MAP3K12: variants seen among roughly 807,000 people sequenced by gnomAD.
MAP3K12 encodes the protein MAPK-upstream kinase.
In MAP3K12, 14 loss-of-function variants were observed where a neutral mutation model predicts 87.5. That is an observed-to-expected ratio of 0.16 (90% CI 0.11 to 0.25). The LOEUF (loss-of-function observed/expected upper bound fraction) is 0.25. Among genes scored for constraint, MAP3K12 ranks in the 10% least tolerant of loss-of-function variants. The probability of loss-of-function intolerance (pLI) is 1.00; values close to 1 mark genes in which losing one functional copy is unlikely to be tolerated. For synonymous variants in MAP3K12, 469 were observed against 452.5 expected (o/e 1.04, Z -0.46); for missense variants, 802 against 1,140.4 (o/e 0.70, Z 4.27).
Position 53,482,343 on chromosome 12 carries a change from C to G in MAP3K12, c.2265G>C (p.Glu755Asp). The G allele has an allele frequency of 6.2e-7, 1 of 1,614,052 alleles. No homozygotes were observed. The highest frequency in any genetic ancestry group is 8.5e-7 in the Non-Finnish European group (1 of 1,180,010). The change falls in exon 12 of 14, where the codon GAG (glutamate) becomes GAC (aspartate). Residue 755 changes from glutamate to aspartate, a missense_variant. By Grantham distance (45) the Glu-to-Asp change is conservative (BLOSUM62 2). Transcript: ENST00000547488. ...SQKRGISSEE[E>D]EGEVDSEVEL... Reference sequence around the variant, plus strand: ...CTACTTCACTGTCTACCTCTCCTTCCTCCTCTTCCGATGAGATGCCACGTT... The same window carrying G: ...CTACTTCACTGTCTACCTCTCCTTCGTCCTCTTCCGATGAGATGCCACGTT...
At chr12:53,484,546 A>G (rs140731865) in intron 6 of MAP3K12, 181 bp from the exon 7 acceptor site, 2 of 567,924 alleles carry the variant, frequency 3.5e-6, no homozygotes, top group South Asian at 4.5e-5. Flanking sequence ...GTGTGTCAAA[A>G]TCCTGCAGTA....
In MAP3K12 at chr12:53,497,103, A is replaced by G. The variant is rs187077348; in HGVS notation, c.-38+2324T>C. Among the ~76,000 whole-genome samples, 53 of 152,336 alleles carry G rather than the reference A, an allele frequency of 3.5e-4. No individual in the cohort carries two copies. The East Asian group carries it at 9.8e-3, about 28-fold the overall frequency. On this transcript the variant is annotated intron_variant, in intron 1 of 13. Coordinates refer to ENST00000547488, the MANE Select transcript of MAP3K12 (RefSeq NM_001193511.2). ...TGCCACATACTAACTTTTTTACTTT[A>G]AACAAATTACTTAAGTTTCAGTTTT...
rs1252579085 is a variant in MAP3K12 at position 53,480,093 on chromosome 12, A to G, written c.*1089T>C. The G allele has an allele frequency of 6.6e-6, 1 of 151,560 alleles. No individual in the cohort carries two copies. Among genetic ancestry groups the G allele is most frequent in the Admixed American group, 6.6e-5 (1 of 15,188 alleles). 9.4% of individuals were successfully genotyped at this position (151,560 alleles called of 1,614,324 possible). A position where few individuals can be genotyped will look rare whatever the true frequency, so the allele number is the denominator to read the frequency against. ...ACCTGTCCTAGGGGAGTAGGCAAGC[A>G]CTTCCACTAGGGAGGGGGTGGGGGA... On this transcript the variant is annotated 3_prime_UTR_variant, in exon 14 of 14. Transcript: ENST00000547488.
intron 13 of MAP3K12, 22 bp downstream of exon 13, chr12:53,481,919 T>C (rs376489912): frequency 1.2e-6 from 2 of 1,606,098 alleles, no homozygotes; most frequent in Admixed American, 1.7e-5. Flanking sequence ...CAATATCTGC[T>C]TTTTGCTGTT....
intron 1 of MAP3K12, among the ~76,000 whole-genome samples, chr12:53,494,055 C>T (rs561964001): frequency 1.1e-4 from 17 of 152,220 alleles, no homozygotes; most frequent in Non-Finnish European, 2.4e-4. Context: ...CCAACACACA[C>T]ACACATACCC....
upstream of MAP3K12, chr12:53,501,308 G>A (rs919222946): frequency 1.9e-5 from 26 of 1,388,642 alleles, no homozygotes; most frequent in Non-Finnish European, 2.5e-5. Flanking sequence ...GGGCCCTACC[G>A]GCCGCGACTC....
intron 1 of MAP3K12, 109 bp from the exon 2 acceptor site, chr12:53,487,537 G>A (rs1309738476): frequency 7.3e-6 from 8 of 1,102,286 alleles, no homozygotes; most frequent in African/African-American, 3.2e-5. Context: ...CAGTAGCCCC[G>A]CTGGAGGTAA....
At chr12:53,497,447 C>G (rs1007616479) in intron 1 of MAP3K12, among the ~76,000 whole-genome samples, 2 of 152,186 alleles carry the variant, frequency 1.3e-5, no homozygotes, top group Admixed American at 6.5e-5. Flanking sequence ...CCTGAATGAT[C>G]TTTAGCCTCC....
In MAP3K12 at chr12:53,481,322, C is replaced by T. The variant is rs1943031787; in HGVS notation, c.2581-42G>A. The T allele has an allele frequency of 4.2e-6, 5 of 1,196,642 alleles. No homozygotes were observed. In the Admixed American group the frequency reaches 8.7e-5, roughly 21 times the overall value. 74.1% of individuals were successfully genotyped at this position (1,196,642 alleles called of 1,614,324 possible). On this transcript the variant is annotated intron_variant, in intron 13 of 13. Transcript: ENST00000547488. The stretch of plus-strand genomic sequence containing the variant: ...AAATGGAGTGAGATTCCTTGGGGTT[C>T]TTTGCTGGGGTCATTTTAATAGCCA...
intron 6 of MAP3K12, 36 bp downstream of exon 6, chr12:53,485,020 C>T (rs747329931): frequency 5.6e-6 from 9 of 1,613,586 alleles, no homozygotes; most frequent in Non-Finnish European, 8.5e-7. Context: ...TTCTCAACTT[C>T]TCCAGGCCCA....
At chr12:53,483,222 T>G (rs772335629) in intron 10 of MAP3K12, 33 bp from the exon 11 acceptor site, 22 of 1,534,492 alleles carry the variant, frequency 1.4e-5, no homozygotes, top group Non-Finnish European at 1.7e-5. Flanking sequence ...AGGTTAAGAC[T>G]GCCAAATCTA....
chr12:53,501,322 G>C (rs1943689584), upstream of MAP3K12: 2 of 1,489,422 alleles, frequency 1.3e-6, no homozygotes, highest in Admixed American at 2.1e-5. Flanking sequence ...GCGACTCCGG[G>C]CTTGGCCCCG....
At chr12:53,481,558 C>T (rs1050311831) in intron 13 of MAP3K12, 1 of 295,094 alleles carries the variant, frequency 3.4e-6, no homozygotes. Flanking sequence ...CCATATTGGT[C>T]AGGCTGGTCT....
upstream of MAP3K12, chr12:53,500,699 G>A (rs376835063): frequency 1.0e-4 from 16 of 152,676 alleles, no homozygotes; most frequent in African/African-American, 3.6e-4. Context: ...CCGGCGTCTA[G>A]GTAAGGCCCA....
chr12:53,483,261 C>T (rs1943128884), intron 10 of MAP3K12, 72 bp from the exon 11 acceptor site: 2 of 1,564,250 alleles, frequency 1.3e-6, no homozygotes, highest in Non-Finnish European at 1.7e-6. Context: ...TAACCTTGGA[C>T]ACTAAAGTAC....
chr12:53,487,508 G>T, intron 1 of MAP3K12, 80 bp from the exon 2 acceptor site: 1 of 1,409,860 alleles, frequency 7.1e-7, no homozygotes, highest in Non-Finnish European at 9.5e-7. Flanking sequence ...CAGAGGCACA[G>T]ACTGGGGTGC....
At chr12:53,483,558 AAGGC>A (rs1268309625) in intron 9 of MAP3K12, 45 bp downstream of exon 9, 2 of 1,613,698 alleles carry the variant, frequency 1.2e-6, no homozygotes, top group African/African-American at 2.7e-5. Flanking sequence ...TAGGACCTCT[AAGGC>A]AGGCACAGCT....
At position 53,482,917 on chromosome 12, in the gene MAP3K12, C is replaced by T. The variant is rs1368870527; in HGVS notation, c.1886G>A (p.Gly629Glu). The T allele has an allele frequency of 1.2e-6, 2 of 1,609,772 alleles. No individual in the cohort carries two copies. Among genetic ancestry groups the T allele is most frequent in the East Asian group, 2.2e-5 (1 of 44,868 alleles). The change falls in exon 11 of 14, where the codon GGG (glycine) becomes GAG (glutamate). Residue 629 changes from glycine to glutamate, a missense_variant. By Grantham distance (98) the Gly-to-Glu change is moderately conservative. Coordinates refer to ENST00000547488, the MANE Select transcript of MAP3K12 (RefSeq NM_001193511.2). ...AWEACPPALR[G>E]LHHDLLLRKM... ...GCGGAGCAGGAGGTCATGATGAAGCCCACGGAGGGCGGGAGGGCAGGCCTC... is the reference window on the plus strand; with the variant it reads ...GCGGAGCAGGAGGTCATGATGAAGCTCACGGAGGGCGGGAGGGCAGGCCTC...
At chr12:53,490,165 G>A (rs910183096) in intron 1 of MAP3K12, among the ~76,000 whole-genome samples, 11 of 152,014 alleles carry the variant, frequency 7.2e-5, no homozygotes, top group Admixed American at 2.6e-4. Flanking sequence ...TTAGCCGGCC[G>A]TGGTGGTGGG....
Sources: gnomAD v4.1 joint callset for allele counts (sites outside exome capture counted in the v4.1 genomes callset) on GRCh38, gnomAD v4.1.1 for gene constraint, MANE v1.5 for transcripts, NCBI Gene and HGNC (gene_info 2026-07-23, HGNC 2026-07-21) for gene names.